MYH10: variants seen among roughly 807,000 people sequenced by gnomAD.
MYH10 encodes the protein myosin-10.
A neutral mutation model predicts 257.8 loss-of-function variants in MYH10; 55 were observed. That is an observed-to-expected ratio of 0.21 (90% CI 0.17 to 0.27). MYH10 has a LOEUF of 0.27. Among genes scored for constraint, MYH10 ranks in the 10% least tolerant of loss-of-function variants. The pLI, the probability that MYH10 is intolerant of heterozygous loss-of-function variation, is 1.00. For synonymous variants in MYH10, 854 were observed against 921.7 expected, an observed-to-expected ratio of 0.93 and a Z score of 1.33; for missense variants, 1,631 against 2,500.6, an observed-to-expected ratio of 0.65 and a Z score of 7.42.
intron 14 of MYH10, among the ~76,000 whole-genome samples, chr17:8,541,753 G>A (rs896073202): frequency 1.3e-5 from 2 of 152,106 alleles, no homozygotes; most frequent in African/African-American, 4.8e-5. Flanking sequence ...GACACGTCTT[G>A]TTCTCAGCTA....
At chr17:8,614,417 C>T (rs72846923) in intron 2 of MYH10, among the ~76,000 whole-genome samples, 4 of 142,476 alleles carry the variant, frequency 2.8e-5, no homozygotes, top group South Asian at 2.2e-4. Context: ...CTTCCCGGTT[C>T]AGGCTATTCT....
chr17:8,489,745 A>ACACACACACACCCCCC (rs1258993754), intron 35 of MYH10, among the ~76,000 whole-genome samples: 1 of 150,700 alleles, frequency 6.6e-6, no homozygotes, highest in African/African-American at 2.5e-5. Flanking sequence ...ACACACACAC[A>ACACACACACACCCCCC]CCCCAAATCC....
At chr17:8,488,655 A>G (rs1335191096) in intron 35 of MYH10, among the ~76,000 whole-genome samples, 1 of 152,128 alleles carries the variant, frequency 6.6e-6, no homozygotes, top group Non-Finnish European at 1.5e-5. Context: ...GGAGGCACCA[A>G]GGCTTGACGG....
rs1429700887 is a variant in MYH10 at position 8,623,019 on chromosome 17, A to G, written c.228T>C (p.Ile76=). 4.3e-6 allele frequency: 7 copies of G among 1,614,152 alleles called. No homozygotes were observed. Among genetic ancestry groups the G allele is most frequent in the Non-Finnish European group, 5.1e-6 (6 of 1,180,012 alleles). ...GKKAMVNKDD[I]QKMNPPKFSK... The stretch of plus-strand genomic sequence containing the variant: ...AAAACTTAGGTGGGTTCATCTTCTG[A>G]ATATCATCTTTGTTGACCATTGCTT... Residue 76 remains isoleucine, a synonymous_variant, in exon 2 of 43, where the codon ATT becomes ATC. Coordinates refer to ENST00000360416, the MANE Select transcript of MYH10 (RefSeq NM_001256012.3).
chr17:8,605,898 T>C (rs951953016), intron 2 of MYH10, among the ~76,000 whole-genome samples: 4 of 152,176 alleles, frequency 2.6e-5, no homozygotes, highest in South Asian at 4.2e-4. Flanking sequence ...TCCAGCTATG[T>C]TTGGTTAATA....
intron 7 of MYH10, among the ~76,000 whole-genome samples, chr17:8,563,130 T>C (rs1236881425): frequency 6.6e-6 from 1 of 152,218 alleles, no homozygotes; most frequent in Non-Finnish European, 1.5e-5. Flanking sequence ...GTGCTATGCA[T>C]GTGTGTTAGC....
At chr17:8,620,589 A>G (rs953324818) in intron 2 of MYH10, among the ~76,000 whole-genome samples, 2 of 152,194 alleles carry the variant, frequency 1.3e-5, no homozygotes, top group Non-Finnish European at 2.9e-5. Context: ...CTATAGAAAT[A>G]TGTCCAAAAA....
At chr17:8,589,432 T>C (rs2084036920) in intron 3 of MYH10, among the ~76,000 whole-genome samples, 2 of 152,170 alleles carry the variant, frequency 1.3e-5, no homozygotes, top group South Asian at 4.1e-4. Flanking sequence ...GGAAGTTTTA[T>C]AAAAATGTAT....
At chr17:8,595,377 A>C (rs1233099464) in intron 3 of MYH10, among the ~76,000 whole-genome samples, 2 of 141,096 alleles carry the variant, frequency 1.4e-5, no homozygotes, top group African/African-American at 5.5e-5. Context: ...TCCTCATACT[A>C]CTCAATATTG....
intron 4 of MYH10, among the ~76,000 whole-genome samples, chr17:8,580,413 T>A (rs1036649215): frequency 1.3e-5 from 2 of 151,786 alleles, no homozygotes; most frequent in Non-Finnish European, 2.9e-5. Flanking sequence ...TTTTTTTTTT[T>A]AGGAGAAATG....
At chr17:8,589,823 G>C (rs1165457193) in intron 3 of MYH10, among the ~76,000 whole-genome samples, 7 of 152,102 alleles carry the variant, frequency 4.6e-5, no homozygotes, top group African/African-American at 1.7e-4. Flanking sequence ...CTAGCCCATG[G>C]ACAAAATTAC....
chr17:8,518,441 G>C (rs1006653977), intron 21 of MYH10, among the ~76,000 whole-genome samples, 190 bp downstream of exon 21: 1 of 152,036 alleles, frequency 6.6e-6, no homozygotes, highest in African/African-American at 2.4e-5. Context: ...GCCTCCTTGT[G>C]TGTTTTTGTA....
chr17:8,530,560 ACGTTTTTC>A (rs1334003666), intron 17 of MYH10, 55 bp downstream of exon 17: 16 of 628,182 alleles, frequency 2.5e-5, no homozygotes, highest in Non-Finnish European at 3.0e-5. Flanking sequence ...GTCCCCCCAC[ACGTTTTTC>A]CTGTGGGCTT....
At chr17:8,609,308 C>T (rs1201681593) in intron 2 of MYH10, among the ~76,000 whole-genome samples, 1 of 151,962 alleles carries the variant, frequency 6.6e-6, no homozygotes, top group African/African-American at 2.4e-5. Context: ...TGTAACCCTA[C>T]ATCCCAACTG....
At chr17:8,518,025 C>CGTGTGTCTGTGT (rs2081525300) in intron 21 of MYH10, among the ~76,000 whole-genome samples, 1 of 123,628 alleles carries the variant, frequency 8.1e-6, no homozygotes. Context: ...CCCTTGGCCC[C>CGTGTGTCTGTGT]GTGTGTGTGT....
In MYH10 at chr17:8,499,410, C is replaced by T. The variant is rs1440456870; in HGVS notation, c.3811G>A (p.Val1271Met). The change falls in exon 30 of 43, where the codon GTG (valine) becomes ATG (methionine). Residue 1271 changes from valine (V) to methionine (M), a missense_variant. Val to Met is a conservative substitution (Grantham distance 21). Around this residue, in one of 11 missense-constraint regions of MYH10, gnomAD observed 463 missense variants for 621.8 expected, o/e 0.74. Coordinates refer to ENST00000360416, the MANE Select transcript of MYH10 (RefSeq NM_001256012.3). ...GCCTTGACCTGCTGCAGGACCTTCACCTCACACGCCAGCTCCTTGTTATCT... is the reference window on the plus strand; with the variant it reads ...GCCTTGACCTGCTGCAGGACCTTCATCTCACACGCCAGCTCCTTGTTATCT... ...ETDNKELACE[V>M]KVLQQVKAES... 6.2e-7 allele frequency: 1 copy of T among 1,614,198 alleles called. No homozygotes were observed.
At chr17:8,605,757 A>G (rs772731820) in intron 2 of MYH10, among the ~76,000 whole-genome samples, 30 of 152,294 alleles carry the variant, frequency 2.0e-4, no homozygotes, top group Non-Finnish European at 3.2e-4. Context: ...ACAAACAAAC[A>G]AACAAACAAA....
intron 37 of MYH10, among the ~76,000 whole-genome samples, chr17:8,482,142 G>A (rs1292141442): frequency 6.6e-6 from 1 of 152,222 alleles, no homozygotes; most frequent in Non-Finnish European, 1.5e-5. Context: ...TTATAAATGA[G>A]GAAACTGAGG....
rs34648012 is a variant in MYH10, at chr17:8,504,041, G to A, written c.3599+653C>T. ...GCCAGCACCTCCAGGCCTGCGTACC[G>A]GCTCACTGCTAAGGCTCTCCTGCGA... On this transcript the variant is annotated intron_variant, in intron 28 of 42. Transcript: ENST00000360416. The surrounding 1 kb of genome is among the most constrained non-coding windows in gnomAD (Gnocchi z 5.6). 0.5 allele frequency among the ~76,000 whole-genome samples: 76,402 copies of A among 152,100 alleles called. 20,158 individuals carry two copies. Among genetic ancestry groups the A allele is most frequent in the Middle Eastern group, 0.62 (181 of 294 alleles).
Sources: allele counts gnomAD v4.1 joint callset (sites outside exome capture counted in the v4.1 genomes callset), GRCh38; gene constraint gnomAD v4.1.1; regional missense constraint gnomAD v4.1.1; non-coding constraint Gnocchi (gnomAD v3.1); transcripts MANE v1.5; gene names NCBI Gene and HGNC (gene_info 2026-07-23, HGNC 2026-07-21).